The following GPRC5D variants were observed in gnomAD, a reference collection of about 807,000 sequenced individuals.
The protein encoded by GPRC5D is G protein-coupled receptor class C group 5 member D, also known as G protein-coupled receptor family C group 5 member D.
In GPRC5D, 20 loss-of-function variants were observed where a neutral mutation model predicts 29.3. The observed-to-expected ratio is 0.68, with a 90% CI of 0.48 to 0.99. The LOEUF (loss-of-function observed/expected upper bound fraction) is 0.99, where lower values mean the gene tolerates loss of function less well. GPRC5D is among the 50% of genes least tolerant of loss of function. GPRC5D has a pLI of 0.00. For synonymous variants in GPRC5D, 178 were observed against 171.3 expected (o/e 1.04, Z -0.30); for missense variants, 384 against 423.6 (o/e 0.91, Z 0.82).
chr12:12,951,602 C>T (rs1863497583), upstream of GPRC5D, among the ~76,000 whole-genome samples: 2 of 152,162 alleles, frequency 1.3e-5, no homozygotes, highest in African/African-American at 4.8e-5. Context: ...GCTTTGAAAG[C>T]TAATACAAAA....
chr12:12,946,509 C>T (rs1157592756), intron 1 of GPRC5D, among the ~76,000 whole-genome samples: 3 of 151,054 alleles, frequency 2.0e-5, no homozygotes, highest in African/African-American at 7.3e-5. Context: ...GGCTGGAGAG[C>T]ATTGGTGTGA....
intron 2 of GPRC5D, 149 bp downstream of exon 3, chr12:12,942,112 G>A: frequency 1.5e-6 from 1 of 646,596 alleles, no homozygotes; most frequent in Non-Finnish European, 2.8e-6. Context: ...AAATCTGGGT[G>A]GCTCAAGCTC....
At chr12:12,943,307 G>A (rs774313302) in intron 1 of GPRC5D, among the ~76,000 whole-genome samples, 28 of 152,164 alleles carry the variant, frequency 1.8e-4, no homozygotes, top group Non-Finnish European at 3.2e-4. Context: ...ACATAACCGT[G>A]TTAGTAGGGT....
upstream of GPRC5D, chr12:12,950,561 C>A: frequency 1.7e-6 from 1 of 587,062 alleles, no homozygotes; most frequent in South Asian, 2.1e-5. Flanking sequence ...TATCCCAGCA[C>A]TTTGGAAGGC....
chr12:12,943,557 A>G (rs1863204972), intron 1 of GPRC5D, among the ~76,000 whole-genome samples: 1 of 152,180 alleles, frequency 6.6e-6, no homozygotes, highest in African/African-American at 2.4e-5. Context: ...GTGTATGATT[A>G]TTGGTGGTGG....
At chr12:12,947,398 T>G (rs4763908) in intron 1 of GPRC5D, among the ~76,000 whole-genome samples, 84,889 of 152,042 alleles carry the variant, frequency 0.56, 26,844 homozygotes, top group South Asian at 0.69. Context: ...GTTTTAATCA[T>G]TCCTCTAAAT....
At chr12:12,943,777 A>G (rs1268600854) in intron 1 of GPRC5D, among the ~76,000 whole-genome samples, 4 of 152,208 alleles carry the variant, frequency 2.6e-5, no homozygotes, top group African/African-American at 4.8e-5. Context: ...ACCAACTTTC[A>G]GCCAACATTC....
At chr12:12,941,810 A>G (rs535948557) in intron 2 of GPRC5D, among the ~76,000 whole-genome samples, 223 of 152,330 alleles carry the variant, frequency 1.5e-3, no homozygotes, top group African/African-American at 5.1e-3. Flanking sequence ...TTCTTAGGGC[A>G]GCCTGGGCTG....
At chr12:12,941,034 T>C (rs1434511326) in intron 2 of GPRC5D, among the ~76,000 whole-genome samples, 185 bp from the exon 4 acceptor site, 1 of 152,164 alleles carries the variant, frequency 6.6e-6, no homozygotes, top group Non-Finnish European at 1.5e-5. Flanking sequence ...GCTTCAGCCT[T>C]CTGAGTAACT....
chr12:12,942,906 T>C (rs1863190515), intron 1 of GPRC5D, among the ~76,000 whole-genome samples: 1 of 152,208 alleles, frequency 6.6e-6, no homozygotes. Context: ...GCTCTCTCAG[T>C]ATTACCGTGT....
chr12:12,949,240 T>C (rs147777522), intron 1 of GPRC5D, among the ~76,000 whole-genome samples: 1 of 152,162 alleles, frequency 6.6e-6, no homozygotes, highest in Non-Finnish European at 1.5e-5. Context: ...ACCCTCTTTA[T>C]TTAGGGCCTT....
At chr12:12,951,625 A>G (rs1863498014), upstream of GPRC5D, among the ~76,000 whole-genome samples, 1 of 152,204 alleles carries the variant, frequency 6.6e-6, no homozygotes, top group African/African-American at 2.4e-5. Flanking sequence ...TTTTTCATAA[A>G]AGGAGGTGTA....
intron 1 of GPRC5D, among the ~76,000 whole-genome samples, chr12:12,945,941 C>T (rs1478510410): frequency 6.6e-6 from 1 of 152,156 alleles, no homozygotes; most frequent in East Asian, 1.9e-4. Context: ...AATATTTATA[C>T]CCATTTGTTT....
At chr12:12,951,064 C>T (rs569343424), upstream of GPRC5D, among the ~76,000 whole-genome samples, 59 of 150,074 alleles carry the variant, frequency 3.9e-4, no homozygotes, top group South Asian at 1.7e-3. Flanking sequence ...GAGCCAAGAT[C>T]GCACCACTGC....
rs1565477199 is a variant in GPRC5D at position 12,944,831 on chromosome 12, TTCCTTCC to T, written c.896-2510_896-2504del. The stretch of plus-strand genomic sequence containing the variant: ...CTTCCTTCCTTCCTTCCTTCCTTCC[TTCCTTCC>T]TTCCTTCCTTCCTTCTTTCTTTCTT... On this transcript the variant is annotated intron_variant, in intron 1 of 2. Transcript: ENST00000228887. Among the ~76,000 whole-genome samples the T allele has an allele frequency of 3.1e-3, 34 of 11,128 alleles. 3 individuals carry two copies. Among genetic ancestry groups the T allele is most frequent in the Non-Finnish European group, 4.8e-3 (13 of 2,712 alleles). 7.3% of individuals were successfully genotyped at this position (11,128 alleles called of 152,430 possible).
chr12:12,947,641 C>T (rs897053593), intron 1 of GPRC5D, among the ~76,000 whole-genome samples: 1 of 151,816 alleles, frequency 6.6e-6, no homozygotes, highest in Admixed American at 6.6e-5. Context: ...CGTGGCTCCC[C>T]GCAGCCTCAA....
At chr12:12,949,613 T>C (rs754518641) in exon 1 of GPRC5D, 3 of 1,614,154 alleles carry the variant, frequency 1.9e-6, no homozygotes, top group Non-Finnish European at 2.5e-6. Context: ...TCAGGGACGA[T>C]GTACAGCAGC....
chr12:12,942,306 C>T (rs775205966), exon 2 of GPRC5D: 2 of 1,613,140 alleles, frequency 1.2e-6, no homozygotes, highest in Admixed American at 1.7e-5. Context: ...CTACATCCTC[C>T]TCAGCTCCAT....
chr12:12,940,703 C>T, downstream of GPRC5D: 1 of 842,952 alleles, frequency 1.2e-6, no homozygotes, highest in Non-Finnish European at 2.1e-6. Flanking sequence ...CTCTGTGGGC[C>T]CCCGTGGGCT....
Sources: gnomAD v4.1 joint callset for allele counts (sites outside exome capture counted in the v4.1 genomes callset) on GRCh38, gnomAD v4.1.1 for gene constraint, MANE v1.5 for transcripts, NCBI Gene and HGNC (gene_info 2026-07-23, HGNC 2026-07-21) for gene names.